The following DMRT1 variants were observed in gnomAD, a reference collection of about 807,000 sequenced individuals.
DMRT1 encodes doublesex- and mab-3-related transcription factor 1.
DMRT1 carries 7 observed loss-of-function variants against 32.3 expected under a neutral mutation model. That is an observed-to-expected ratio of 0.22 (90% CI 0.12 to 0.41). DMRT1 has a LOEUF of 0.41. Ranked by LOEUF, DMRT1 falls within the 10% of genes least tolerant of loss-of-function variation. The pLI is 1.00. For synonymous variants in DMRT1, 278 were observed against 206.1 expected, an observed-to-expected ratio of 1.35 and a Z score of -2.99; for missense variants, 625 against 500.5, an observed-to-expected ratio of 1.25 and a Z score of -2.37.
intron 2 of DMRT1, among the ~76,000 whole-genome samples, chr9:857,506 C>G (rs1342436908): frequency 1.3e-5 from 2 of 152,036 alleles, no homozygotes; most frequent in Admixed American, 1.3e-4. Flanking sequence ...ATATTGGTAT[C>G]TATAGGAAGG....
At chr9:942,325 G>A (rs1433766554) in intron 4 of DMRT1, among the ~76,000 whole-genome samples, 1 of 152,206 alleles carries the variant, frequency 6.6e-6, no homozygotes, top group Non-Finnish European at 1.5e-5. Flanking sequence ...CCAGGCTGGA[G>A]TGAAGTGGTG....
chr9:901,870 C>T (rs1817591643), intron 3 of DMRT1, among the ~76,000 whole-genome samples: 1 of 150,920 alleles, frequency 6.6e-6, no homozygotes, highest in Admixed American at 6.6e-5. Flanking sequence ...AGGCTGCCCT[C>T]TCACCCCCAT....
intron 4 of DMRT1, among the ~76,000 whole-genome samples, chr9:920,358 G>A (rs1818314769): frequency 6.6e-6 from 1 of 152,218 alleles, no homozygotes; most frequent in Non-Finnish European, 1.5e-5. Context: ...TGAGGCAGGA[G>A]GGAAACTGTG....
chr9:938,483 G>T (rs1463507613), intron 4 of DMRT1, among the ~76,000 whole-genome samples: 2 of 152,080 alleles, frequency 1.3e-5, no homozygotes, highest in African/African-American at 4.8e-5. Flanking sequence ...ATCTGTGCCT[G>T]TCACCTCCCT....
rs532479036 is a variant in DMRT1 at position 906,146 on chromosome 9, C to G, written c.823-10617C>G. Among the ~76,000 whole-genome samples, 5 of 152,250 alleles carry G rather than the reference C, an allele frequency of 3.3e-5. No homozygotes were observed. In the East Asian group the frequency reaches 7.7e-4, roughly 24 times the overall value. ...GTCATTTCAATTAGTTGGAGGTGGA[C>G]TCCCTTCATGGTCTTAGAGTGGGCA... On this transcript the variant is annotated intron_variant, in intron 3 of 4. Coordinates refer to ENST00000382276, the MANE Select transcript of DMRT1 (RefSeq NM_021951.3).
At chr9:933,264 G>T (rs1818784621) in intron 4 of DMRT1, among the ~76,000 whole-genome samples, 1 of 152,126 alleles carries the variant, frequency 6.6e-6, no homozygotes, top group South Asian at 2.1e-4. Context: ...CGGGCGACCA[G>T]CCCCCATCCT....
chr9:898,184 A>G (rs1335717802), intron 3 of DMRT1, among the ~76,000 whole-genome samples: 2 of 149,500 alleles, frequency 1.3e-5, no homozygotes, highest in East Asian at 2.1e-4. Context: ...CAGTGGCGTG[A>G]TCTTGGCTCA....
At chr9:864,910 T>C (rs769105763) in intron 2 of DMRT1, among the ~76,000 whole-genome samples, 2 of 152,180 alleles carry the variant, frequency 1.3e-5, no homozygotes, top group Non-Finnish European at 2.9e-5. Flanking sequence ...GTTTGGAAGT[T>C]TTACAGTTCC....
chr9:950,810 G>T (rs1425317368), intron 4 of DMRT1, among the ~76,000 whole-genome samples: 1 of 152,134 alleles, frequency 6.6e-6, no homozygotes, highest in African/African-American at 2.4e-5. Context: ...TTCCAGAAAC[G>T]ACTGTTTTCT....
intron 2 of DMRT1, among the ~76,000 whole-genome samples, chr9:884,417 C>A: frequency 6.7e-6 from 1 of 149,066 alleles, no homozygotes; most frequent in African/African-American, 2.5e-5. Flanking sequence ...TATCAAAGAA[C>A]TGAATGTGCA....
At chr9:923,327 A>T (rs11793605) in intron 4 of DMRT1, among the ~76,000 whole-genome samples, 18,487 of 152,130 alleles carry the variant, frequency 0.12, 1,512 homozygotes, top group African/African-American at 0.23. Context: ...ACAAGCGGCC[A>T]TGTGGGGTGG....
chr9:871,592 C>T (rs563879782), intron 2 of DMRT1, among the ~76,000 whole-genome samples: 2 of 145,306 alleles, frequency 1.4e-5, no homozygotes, highest in African/African-American at 5.4e-5. Flanking sequence ...CCGCCCGCCT[C>T]TGCCTCCCAA....
chr9:866,239 G>A (rs1219006684), intron 2 of DMRT1, among the ~76,000 whole-genome samples: 1 of 150,962 alleles, frequency 6.6e-6, no homozygotes, highest in Non-Finnish European at 1.5e-5. Context: ...CTGAGACTGG[G>A]ACGTTACCTT....
chr9:897,308 G>C (rs1817409844), intron 3 of DMRT1, among the ~76,000 whole-genome samples: 1 of 151,600 alleles, frequency 6.6e-6, no homozygotes, highest in Non-Finnish European at 1.5e-5. Context: ...AGCAGAGATG[G>C]TGTTTCACCA....
intron 2 of DMRT1, among the ~76,000 whole-genome samples, chr9:849,312 C>G (rs537632406): frequency 2.6e-4 from 39 of 152,122 alleles, no homozygotes; most frequent in Non-Finnish European, 4.9e-4. Context: ...GTCTAATCCT[C>G]AGAGTAATTT....
chr9:883,995 A>C (rs537993009), intron 2 of DMRT1, among the ~76,000 whole-genome samples: 1 of 152,326 alleles, frequency 6.6e-6, no homozygotes, highest in South Asian at 2.1e-4. Flanking sequence ...AATCTGGAGT[A>C]TATAAATTAA....
At chr9:874,131 A>G (rs1816393699) in intron 2 of DMRT1, among the ~76,000 whole-genome samples, 2 of 152,230 alleles carry the variant, frequency 1.3e-5, no homozygotes, top group South Asian at 4.1e-4. Flanking sequence ...AATAGGGGGT[A>G]GAATCTCTTT....
At chr9:937,700 G>T (rs894271946) in intron 4 of DMRT1, among the ~76,000 whole-genome samples, 5 of 152,008 alleles carry the variant, frequency 3.3e-5, no homozygotes, top group Non-Finnish European at 5.9e-5. Context: ...GGGTTGTTTG[G>T]TTTTTTGTCG....
chr9:933,821 A>C (rs1818801373), intron 4 of DMRT1, among the ~76,000 whole-genome samples: 1 of 152,206 alleles, frequency 6.6e-6, no homozygotes, highest in South Asian at 2.1e-4. Flanking sequence ...TTACAGTGAC[A>C]GGAAAGGACA....
Sources: gnomAD v4.1 joint callset for allele counts (sites outside exome capture counted in the v4.1 genomes callset) on GRCh38, gnomAD v4.1.1 for gene constraint, MANE v1.5 for transcripts, NCBI Gene and HGNC (gene_info 2026-07-23, HGNC 2026-07-21) for gene names.